The following NLGN1 variants were observed in gnomAD, a reference collection of about 807,000 sequenced individuals.
NLGN1 encodes neuroligin-1.
Under a neutral mutation model 65.5 loss-of-function variants are expected in NLGN1, and 12 were observed. That is an observed-to-expected ratio of 0.18 (90% CI 0.12 to 0.30). The LOEUF is 0.30. Among genes scored for constraint, NLGN1 ranks in the 10% least tolerant of loss-of-function variants. The pLI, the probability that NLGN1 is intolerant of heterozygous loss-of-function variation, is 1.00. For missense variants in NLGN1, 750 were observed against 1,007.1 expected, an observed-to-expected ratio of 0.74 and a Z score of 3.46; for synonymous variants, 350 against 359.5, an observed-to-expected ratio of 0.97 and a Z score of 0.30.
chr3:173,442,198 T>C (rs974662679), intron 2 of NLGN1, among the ~76,000 whole-genome samples: 1 of 152,150 alleles, frequency 6.6e-6, no homozygotes, highest in African/African-American at 2.4e-5. Context: ...GTTGAGTGCA[T>C]TGCCTGTTTA....
intron 3 of NLGN1, among the ~76,000 whole-genome samples, chr3:173,639,969 T>G (rs896450724): frequency 1.3e-5 from 2 of 152,094 alleles, no homozygotes; most frequent in Non-Finnish European, 2.9e-5. Context: ...TCTTTTCCCT[T>G]CTTTCCTCCT....
At chr3:173,617,713 T>C (rs1753337448) in intron 3 of NLGN1, among the ~76,000 whole-genome samples, 1 of 152,236 alleles carries the variant, frequency 6.6e-6, no homozygotes, top group African/African-American at 2.4e-5. Context: ...GCTTTCTGCC[T>C]GTGCACGTTA....
At chr3:174,105,415 A>G (rs1479317783) in intron 4 of NLGN1, among the ~76,000 whole-genome samples, 1 of 151,950 alleles carries the variant, frequency 6.6e-6, no homozygotes, top group African/African-American at 2.4e-5. Flanking sequence ...GCACGCACCC[A>G]TATCCCAACT....
intron 4 of NLGN1, among the ~76,000 whole-genome samples, chr3:174,256,243 C>T (rs1745735601): frequency 6.6e-6 from 1 of 152,108 alleles, no homozygotes; most frequent in South Asian, 2.1e-4. Context: ...GGGACATAGG[C>T]CAATACACCC....
At chr3:173,640,339 A>G (rs1475071599) in intron 3 of NLGN1, among the ~76,000 whole-genome samples, 1 of 152,146 alleles carries the variant, frequency 6.6e-6, no homozygotes. Context: ...TTCTTCTTAT[A>G]GAAGAATACC....
chr3:174,030,841 G>A (rs903627775), intron 4 of NLGN1, among the ~76,000 whole-genome samples: 1 of 152,104 alleles, frequency 6.6e-6, no homozygotes, highest in African/African-American at 2.4e-5. Flanking sequence ...AAAGGCTCAG[G>A]ACATTACCAA....
At position 173,574,440 on chromosome 3, in the gene NLGN1, T is replaced by C. The variant is rs144452013; in HGVS notation, c.-320-29839T>C. Reference sequence around the variant, plus strand: ...TTGACTAAATTGAATTAAAATTCAATTTAAAATTTTATATTTAAATAATTT... The same window carrying C: ...TTGACTAAATTGAATTAAAATTCAACTTAAAATTTTATATTTAAATAATTT... On this transcript the variant is annotated intron_variant, in intron 2 of 6. Transcript: ENST00000457714. Among the ~76,000 whole-genome samples the C allele has an allele frequency of 3.5e-3, 526 of 152,072 alleles. 18 individuals carry two copies. The East Asian group carries it at 0.083, about 24-fold the overall frequency.
At chr3:173,873,368 C>T (rs575443445) in intron 4 of NLGN1, among the ~76,000 whole-genome samples, 21 of 152,190 alleles carry the variant, frequency 1.4e-4, no homozygotes, top group African/African-American at 4.3e-4. Flanking sequence ...GGATTATAGA[C>T]GTGAGCCACC....
At chr3:173,969,105 A>C (rs188781730) in intron 4 of NLGN1, among the ~76,000 whole-genome samples, 119 of 152,200 alleles carry the variant, frequency 7.8e-4, no homozygotes, top group African/African-American at 2.7e-3. Flanking sequence ...TGATTATTTT[A>C]TTTTGTTTAT....
chr3:173,651,883 C>T (rs1759238497), intron 3 of NLGN1, among the ~76,000 whole-genome samples: 1 of 152,074 alleles, frequency 6.6e-6, no homozygotes, highest in Non-Finnish European at 1.5e-5. Context: ...ACCTCCAACT[C>T]CTGGGTTCAA....
chr3:174,210,112 G>GT (rs1248012452), intron 4 of NLGN1, among the ~76,000 whole-genome samples: 7 of 152,050 alleles, frequency 4.6e-5, no homozygotes, highest in African/African-American at 7.2e-5. Flanking sequence ...CCCTTAACAC[G>GT]TAAGTATGAG....
At chr3:173,704,670 G>C (rs1767773045) in intron 3 of NLGN1, among the ~76,000 whole-genome samples, 2 of 152,086 alleles carry the variant, frequency 1.3e-5, no homozygotes, top group Admixed American at 1.3e-4. Flanking sequence ...TCATGACACA[G>C]AAAAGCTCAG....
At chr3:173,873,732 A>G (rs1295009212) in intron 4 of NLGN1, among the ~76,000 whole-genome samples, 4 of 152,186 alleles carry the variant, frequency 2.6e-5, no homozygotes, top group Admixed American at 6.5e-5. Context: ...CATTTCGGAT[A>G]TGGTATTCCT....
intron 4 of NLGN1, among the ~76,000 whole-genome samples, chr3:173,812,302 A>G (rs1488575701): frequency 3.3e-5 from 5 of 152,194 alleles, no homozygotes; most frequent in African/African-American, 9.6e-5. Flanking sequence ...ACTTCACTGC[A>G]TATACATTTA....
chr3:173,872,863 C>A (rs1731422835), intron 4 of NLGN1, among the ~76,000 whole-genome samples: 1 of 152,008 alleles, frequency 6.6e-6, no homozygotes, highest in Non-Finnish European at 1.5e-5. Flanking sequence ...CTCTCCCCAC[C>A]CCCATTTTGA....
chr3:174,192,925 TTGTTTTGTTTTTTAA>T (rs2152762427), intron 4 of NLGN1, among the ~76,000 whole-genome samples: 1 of 152,190 alleles, frequency 6.6e-6, no homozygotes. Context: ...CCTGTGTGTT[TTGTTTTGTTTTTTAA>T]TGTCGTTTAT....
rs1577489409 is a variant in NLGN1 at position 173,604,481 on chromosome 3, C to T, written c.-118C>T. 16 of 1,136,194 alleles carry T rather than the reference C, an allele frequency of 1.4e-5. No individual in the cohort carries two copies. The highest frequency in any genetic ancestry group is 6.7e-5 in the Admixed American group (3 of 44,944). 70.4% of individuals were successfully genotyped at this position (1,136,194 alleles called of 1,614,324 possible). A position where few individuals can be genotyped will look rare whatever the true frequency, so the allele number is the denominator to read the frequency against. On this transcript the variant is annotated 5_prime_UTR_variant, in exon 3 of 7. It introduces an in-frame stop codon into an upstream open reading frame of the 5' UTR. Coordinates refer to ENST00000457714, the Ensembl canonical transcript of NLGN1. ...TCTGAAGATCTTTCAGAGCTTTTCT[C>T]GACAAGCTCCCCTGTAAGAAATCGG...
intron 2 of NLGN1, among the ~76,000 whole-genome samples, chr3:173,441,944 C>T (rs763600412): frequency 1.3e-5 from 2 of 152,136 alleles, no homozygotes; most frequent in Non-Finnish European, 2.9e-5. Flanking sequence ...TTCCTGGTTG[C>T]CTTCTGTATT....
chr3:173,726,107 C>G (rs1771728582), intron 3 of NLGN1, among the ~76,000 whole-genome samples: 1 of 151,864 alleles, frequency 6.6e-6, no homozygotes, highest in Non-Finnish European at 1.5e-5. Flanking sequence ...TTTCCTTACT[C>G]TGTTGGAAGT....
Sources: allele counts gnomAD v4.1 joint callset (sites outside exome capture counted in the v4.1 genomes callset), GRCh38; gene constraint gnomAD v4.1.1; transcripts MANE v1.5; gene names NCBI Gene and HGNC (gene_info 2026-07-23, HGNC 2026-07-21).